Variants in AHCY observed in about 807,000 individuals in gnomAD.
AHCY encodes adenosylhomocysteinase, also known as S-adenosyl-L-homocysteine hydrolase.
In AHCY, 24 loss-of-function variants were observed where a neutral mutation model predicts 45.4. The observed-to-expected ratio is 0.53, with a 90% CI of 0.38 to 0.74. The LOEUF is 0.74. AHCY is among the 30% of genes least tolerant of loss of function. The probability of loss-of-function intolerance (pLI) is 0.00; values close to 1 mark genes in which losing one functional copy is unlikely to be tolerated. For synonymous variants in AHCY, 245 were observed against 235.1 expected, an observed-to-expected ratio of 1.04 and a Z score of -0.39; for missense variants, 449 against 594.1, an observed-to-expected ratio of 0.76 and a Z score of 2.54.
At chr20:34,301,793 G>A in intron 1 of AHCY, 3 of 985,050 alleles carry the variant, frequency 3.0e-6, no homozygotes, top group Non-Finnish European at 3.6e-6. Flanking sequence ...ACACAATGGA[G>A]ACAGTCTACT....
intron 1 of AHCY, among the ~76,000 whole-genome samples, chr20:34,299,968 C>T (rs1287550767): frequency 4.6e-5 from 7 of 152,076 alleles, no homozygotes; most frequent in African/African-American, 1.4e-4. Context: ...GCGGATCACC[C>T]GAGGTCAGAA....
the AHCY span, among the ~76,000 whole-genome samples, chr20:34,235,846 A>AAAGG: frequency 1.5e-4 from 7 of 45,580 alleles, no homozygotes; most frequent in East Asian, 4.8e-3. Flanking sequence ...AGAAAGAAGG[A>AAAGG]AGGAAGGAAG....
chr20:34,254,777 T>C, the AHCY span, among the ~76,000 whole-genome samples: 1 of 152,188 alleles, frequency 6.6e-6, no homozygotes, highest in African/African-American at 2.4e-5. Flanking sequence ...AGAATCCTAA[T>C]ACAACTAAAC....
At chr20:34,288,578 G>A (rs561704276) in intron 8 of AHCY, among the ~76,000 whole-genome samples, 1 of 152,024 alleles carries the variant, frequency 6.6e-6, no homozygotes, top group Non-Finnish European at 1.5e-5. Context: ...GAGGCAGGAG[G>A]ATCAGCTCCT....
At chr20:34,310,798 G>A (rs1319505882) in intron 1 of AHCY, among the ~76,000 whole-genome samples, 7 of 151,794 alleles carry the variant, frequency 4.6e-5, no homozygotes, top group Non-Finnish European at 1.0e-4. Context: ...ACTGCACTCT[G>A]CCTGGGCAAC....
Position 34,285,447 on chromosome 20 carries a change from G to A in AHCY, c.1160C>T (p.Pro387Leu), listed in dbSNP as rs777321528. The change falls in exon 9 of 10, where the codon CCC (proline) becomes CTC (leucine). Residue 387 changes from proline (P) to leucine (L), a missense_variant. Coordinates refer to ENST00000217426, the MANE Select transcript of AHCY (RefSeq NM_000687.4). ...DKYPVGVHFL[P>L]KKLDEAVAEA... is the part of the protein sequence containing the mutation. ...GTAGAAGAATAAACCCACCTTCTTG[G>A]GCAGGAAATGAACCCCAACGGGGTA... 5.0e-6 allele frequency: 8 copies of A among 1,613,806 alleles called. No homozygotes were observed. Among genetic ancestry groups the A allele is most frequent in the Non-Finnish European group, 6.8e-6 (8 of 1,179,862 alleles).
chr20:34,290,921 G>C lies in AHCY; in HGVS notation c.576C>G (p.Leu192=). The C allele has an allele frequency of 6.2e-7, 1 of 1,614,178 alleles. No individual in the cohort carries two copies. The change falls in exon 6 of 10, where the codon CTC becomes CTG. Residue 192 remains leucine (L), a synonymous_variant. Coordinates refer to ENST00000217426, the MANE Select transcript of AHCY (RefSeq NM_000687.4). The surrounding 1 kb of genome is among the most constrained non-coding windows in gnomAD (Gnocchi z 4.5). Reference sequence around the variant, plus strand: ...CTATGAGGGACTCCCGGCAGCCATAGAGGTTGTCAAACTTGCTCTGAAAGG... The same window carrying C: ...CTATGAGGGACTCCCGGCAGCCATACAGGTTGTCAAACTTGCTCTGAAAGG... ...DSVTKSKFDN[L]YGCRESLIDG...
the AHCY span, among the ~76,000 whole-genome samples, chr20:34,238,458 AT>A: frequency 6.6e-6 from 1 of 152,042 alleles, no homozygotes; most frequent in Non-Finnish European, 1.5e-5. Flanking sequence ...GCATTTTTAA[AT>A]TTTGGTTATT....
chr20:34,272,218 C>T, the AHCY span, among the ~76,000 whole-genome samples: 3 of 152,182 alleles, frequency 2.0e-5, no homozygotes, highest in Non-Finnish European at 4.4e-5. Context: ...AAGGGTGGTC[C>T]ACCTTGACTG....
downstream of AHCY, among the ~76,000 whole-genome samples, chr20:34,279,238 C>T (rs2035941456): frequency 6.7e-6 from 1 of 150,368 alleles, no homozygotes; most frequent in South Asian, 2.1e-4. Flanking sequence ...CATGGTGAAA[C>T]CCCATCTCTA....
chr20:34,262,521 C>CT, the AHCY span, among the ~76,000 whole-genome samples: 5 of 152,226 alleles, frequency 3.3e-5, no homozygotes, highest in African/African-American at 1.2e-4. Flanking sequence ...TGGGGTGGCT[C>CT]TGAGTGGCCC....
In AHCY at chr20:34,290,580, G is replaced by A. The variant is rs1204593211; in HGVS notation, c.825C>T (p.Thr275=). The change falls in exon 7 of 10, where the codon ACC becomes ACT. Residue 275 remains threonine (T), a synonymous_variant. Transcript: ENST00000217426. The surrounding 1 kb of genome is among the most constrained non-coding windows in gnomAD (Gnocchi z 4.5). ...CAAGGATGATGTCAATACAGCCTGT[G>A]GTGGTGACAAAGATGTTGCCCTCCT... ...ACQEGNIFVT[T]TGCIDIILGR... is the part of the protein sequence containing the mutation. 1 of 1,614,218 alleles carries A rather than the reference G, an allele frequency of 6.2e-7. No individual in the cohort carries two copies. The highest frequency in any genetic ancestry group is 8.5e-7 in the Non-Finnish European group (1 of 1,180,036).
At chr20:34,310,550 G>C (rs1416254691) in intron 1 of AHCY, among the ~76,000 whole-genome samples, 1 of 152,170 alleles carries the variant, frequency 6.6e-6, no homozygotes, top group African/African-American at 2.4e-5. Context: ...CTTTGACCAA[G>C]CAGTTCCACT....
chr20:34,309,752 G>A (rs1039359872), intron 1 of AHCY, among the ~76,000 whole-genome samples: 2 of 152,158 alleles, frequency 1.3e-5, no homozygotes, highest in South Asian at 2.1e-4. Context: ...TTGCACTCCA[G>A]CCTGGGCTAC....
chr20:34,254,212 G>A, the AHCY span, among the ~76,000 whole-genome samples: 4 of 152,194 alleles, frequency 2.6e-5, no homozygotes, highest in South Asian at 6.2e-4. Context: ...ACAGGCATGC[G>A]CCACCACACC....
At chr20:34,298,851 T>C (rs1601680119) in intron 1 of AHCY, among the ~76,000 whole-genome samples, 1 of 152,270 alleles carries the variant, frequency 6.6e-6, no homozygotes, top group East Asian at 1.9e-4. Flanking sequence ...GTCCCTGATA[T>C]GCAGAAATAA....
chr20:34,243,981 C>T, the AHCY span, among the ~76,000 whole-genome samples: 2 of 152,076 alleles, frequency 1.3e-5, no homozygotes, highest in South Asian at 2.1e-4. Flanking sequence ...AGGAGAATGG[C>T]GTGAACCCGG....
At chr20:34,266,648 G>C in the AHCY span, among the ~76,000 whole-genome samples, 1 of 152,150 alleles carries the variant, frequency 6.6e-6, no homozygotes. Context: ...ACTCCAGCCT[G>C]GGTGACACAG....
the AHCY span, among the ~76,000 whole-genome samples, chr20:34,248,564 A>G: frequency 2.0e-5 from 3 of 152,172 alleles, no homozygotes. Context: ...GCACTTTGGG[A>G]GGCCGAGGAG....
Sources: gnomAD v4.1 joint callset for allele counts (sites outside exome capture counted in the v4.1 genomes callset) on GRCh38, gnomAD v4.1.1 for gene constraint, Gnocchi (gnomAD v3.1) non-coding constraint, MANE v1.5 for transcripts, NCBI Gene and HGNC (gene_info 2026-07-23, HGNC 2026-07-21) for gene names.